Variants in RNF213 observed in about 807,000 individuals in gnomAD.
RNF213 encodes the protein E3 ubiquitin-protein ligase RNF213.
In RNF213, 341 loss-of-function variants were observed where a neutral mutation model predicts 514.4. The ratio of observed to expected loss-of-function variants is 0.66; its 90% CI spans 0.61 to 0.73. The LOEUF is 0.73. Among genes scored for constraint, RNF213 ranks in the 30% least tolerant of loss-of-function variants. The pLI is 0.00. For synonymous variants in RNF213, 2,655 were observed against 2,658.2 expected (o/e 1.00, Z 0.04); for missense variants, 5,767 against 6,615.6 (o/e 0.87, Z 4.45).
chr17:80,370,616 C>G (rs2079478669), intron 46 of RNF213, among the ~76,000 whole-genome samples: 1 of 152,132 alleles, frequency 6.6e-6, no homozygotes, highest in Non-Finnish European at 1.5e-5. Context: ...AATCTTGACT[C>G]TTGAGGATTT....
chr17:80,364,338 G>GTCCCGCATCTCTTCTCCCGTC (rs1555674124), intron 41 of RNF213, 95 bp from the exon 42 acceptor site: 12 of 1,573,610 alleles, frequency 7.6e-6, no homozygotes, highest in East Asian at 4.5e-5. Context: ...TGGACCCCGG[G>GTCCCGCATCTCTTCTCCCGTC]TCCCGCATCT....
At chr17:80,284,212 A>T (rs544768105) in intron 3 of RNF213, among the ~76,000 whole-genome samples, 1 of 152,200 alleles carries the variant, frequency 6.6e-6, no homozygotes, top group Admixed American at 6.5e-5. Flanking sequence ...AAAAAAAAAA[A>T]AATTAGCCGG....
chr17:80,343,324 C>T lies in RNF213; in HGVS notation c.6182C>T (p.Ser2061Leu), dbSNP rs773110444. ...PVLFHLDVTS[S>L]VQTGIWVFLF... ...CTCTTTCACCTGGACGTGACCTCCT[C>T]AGTAAGTGCCCTCCAGCGTCAGCCG... The change falls in exon 27 of 68, where the codon TCA becomes TTA. Residue 2061 changes from serine to leucine, a missense_variant and splice_region_variant. Ser to Leu is a moderately radical substitution (Grantham distance 145). Transcript: ENST00000582970. The surrounding 1 kb of genome is among the most constrained non-coding windows in gnomAD (Gnocchi z 4.3). 3.1e-6 allele frequency: 5 copies of T among 1,611,184 alleles called. No homozygotes were observed. The South Asian group carries it at 5.5e-5, about 18-fold the overall frequency.
intron 11 of RNF213, among the ~76,000 whole-genome samples, chr17:80,300,072 T>C (rs927797850): frequency 6.6e-6 from 1 of 152,228 alleles, no homozygotes; most frequent in Non-Finnish European, 1.5e-5. Context: ...GTTTTTGGTA[T>C]ATACCCAGTA....
chr17:80,297,280 T>C (rs1389189114), intron 10 of RNF213, among the ~76,000 whole-genome samples: 1 of 150,526 alleles, frequency 6.6e-6, no homozygotes, highest in East Asian at 2.0e-4. Flanking sequence ...TGAAACACTG[T>C]CTCTACTAAA....
Position 80,263,260 on chromosome 17 carries a change from C to CT in RNF213, c.-108-312dup, listed in dbSNP as rs1429205418. ...CCTGTGGGGCAGGTGCTTTAGTCCC[C>CT]TTAAGAGGATGAGGAGGGTGAGGCA... On this transcript the variant is annotated intron_variant, in intron 1 of 67. Transcript: ENST00000582970. This position sits in a 1 kb window ranked among gnomAD's most constrained non-coding sequence, Gnocchi z 4.9. Among the ~76,000 whole-genome samples, 1 of 152,202 alleles carries CT rather than the reference C, an allele frequency of 6.6e-6. No individual in the cohort carries two copies. Among genetic ancestry groups the CT allele is most frequent in the Non-Finnish European group, 1.5e-5 (1 of 68,028 alleles).
At chr17:80,358,505 G>A (rs774949775) in intron 37 of RNF213, 26 bp downstream of exon 37, 35 of 1,602,212 alleles carry the variant, frequency 2.2e-5, no homozygotes, top group Non-Finnish European at 3.0e-5. Context: ...TCTTTCCCTG[G>A]GGAGAGAAAC....
At chr17:80,270,468 G>A (rs564633116) in intron 2 of RNF213, among the ~76,000 whole-genome samples, 1 of 152,276 alleles carries the variant, frequency 6.6e-6, no homozygotes, top group African/African-American at 2.4e-5. Context: ...CTCACTGGCC[G>A]CGTCTCTGTG....
intron 13 of RNF213, 129 bp downstream of exon 13, chr17:80,307,330 C>A (rs2045399500): frequency 4.4e-6 from 3 of 683,876 alleles, no homozygotes; most frequent in Non-Finnish European, 5.3e-6. Context: ...ATGTGGCCCA[C>A]TTCTCTTCTC....
At chr17:80,372,179 A>G (rs909279661) in intron 47 of RNF213, among the ~76,000 whole-genome samples, 194 bp downstream of exon 47, 4 of 152,260 alleles carry the variant, frequency 2.6e-5, no homozygotes, top group African/African-American at 9.6e-5. Context: ...TATACATACA[A>G]AACAGAACAG....
intron 11 of RNF213, among the ~76,000 whole-genome samples, chr17:80,300,153 C>T (rs2045121808): frequency 6.6e-6 from 1 of 152,186 alleles, no homozygotes; most frequent in African/African-American, 2.4e-5. Context: ...AACTAATTTA[C>T]ACTCCCACCA....
rs774943372 is a variant in RNF213, at chr17:80,360,164, G to C, written c.11158G>C (p.Glu3720Gln). 4 of 1,613,880 alleles carry C rather than the reference G, an allele frequency of 2.5e-6. No homozygotes were observed. The African/African-American group carries it at 5.3e-5, about 22-fold the overall frequency. ...CAGCTGGAAAATCAAGGACTATCTG[G>C]AGGAGCTGTGGGTCCAGGCTCAGTA... is the stretch of plus-strand genomic sequence containing the variant. ...PFSWKIKDYL[E>Q]ELWVQAQYIT... Residue 3720 changes from glutamate to glutamine, a missense_variant, in exon 38 of 68, where the codon GAG becomes CAG. Physicochemically the swap from Glu to Gln is conservative, Grantham distance 29 (BLOSUM62 2). Coordinates refer to ENST00000582970, the MANE Select transcript of RNF213 (RefSeq NM_001256071.3).
chr17:80,294,659 G>T, intron 8 of RNF213, 61 bp from the exon 9 acceptor site: 1 of 1,591,120 alleles, frequency 6.3e-7, no homozygotes, highest in South Asian at 1.1e-5. Context: ...CTAGGCTAGT[G>T]TCTAGGTCTC....
chr17:80,364,844 A>G (rs540540740), intron 42 of RNF213: 2 of 408,840 alleles, frequency 4.9e-6, no homozygotes, highest in Non-Finnish European at 9.2e-6. Context: ...AACCTTCGGC[A>G]GGGATTACCT....
At chr17:80,336,401 T>C in intron 23 of RNF213, 23 bp downstream of exon 23, 1 of 1,534,312 alleles carries the variant, frequency 6.5e-7, no homozygotes, top group Non-Finnish European at 8.7e-7. Context: ...CTGTCTCTAA[T>C]GCAGATTTTG....
At chr17:80,309,888 T>A (rs2045507318) in intron 14 of RNF213, among the ~76,000 whole-genome samples, 1 of 152,024 alleles carries the variant, frequency 6.6e-6, no homozygotes, top group African/African-American at 2.4e-5. Flanking sequence ...CCCAAGTAGC[T>A]GGGACTACAG....
chr17:80,356,184 T>G (rs1052775189), intron 36 of RNF213, among the ~76,000 whole-genome samples: 1 of 152,176 alleles, frequency 6.6e-6, no homozygotes, highest in Admixed American at 6.5e-5. Context: ...GTATTTTTAG[T>G]AGAGGCGAGA....
chr17:80,270,510 T>C (rs888512483), intron 2 of RNF213, among the ~76,000 whole-genome samples: 4 of 152,212 alleles, frequency 2.6e-5, no homozygotes, highest in African/African-American at 9.7e-5. Context: ...ATTCAGATTC[T>C]CTCCAGCGTT....
At chr17:80,283,570 C>T (rs956152923) in intron 3 of RNF213, among the ~76,000 whole-genome samples, 1 of 152,234 alleles carries the variant, frequency 6.6e-6, no homozygotes. Flanking sequence ...CCTCCGTGTG[C>T]TGCTGCTGCT....
Sources: allele counts gnomAD v4.1 joint callset (sites outside exome capture counted in the v4.1 genomes callset), GRCh38; gene constraint gnomAD v4.1.1; non-coding constraint Gnocchi (gnomAD v3.1); transcripts MANE v1.5; gene names NCBI Gene and HGNC (gene_info 2026-07-23, HGNC 2026-07-21).